Variants in ZBTB7C observed in about 807,000 individuals in gnomAD.
ZBTB7C encodes zinc finger and BTB domain containing 7C, also known as zinc finger and BTB domain-containing protein 7C.
Under a neutral mutation model 25.7 loss-of-function variants are expected in ZBTB7C, and 8 were observed. The observed-to-expected ratio is 0.31, with a 90% CI of 0.18 to 0.56. The LOEUF is 0.56. ZBTB7C is among the 20% of genes least tolerant of loss of function. The pLI is 0.91. For missense variants in ZBTB7C, 824 were observed against 855.2 expected, an observed-to-expected ratio of 0.96 and a Z score of 0.46; for synonymous variants, 394 against 369.0, an observed-to-expected ratio of 1.07 and a Z score of -0.78.
At chr18:48,357,610 G>A (rs2047006300) in intron 1 of ZBTB7C, among the ~76,000 whole-genome samples, 1 of 152,200 alleles carries the variant, frequency 6.6e-6, no homozygotes, top group African/African-American at 2.4e-5. Context: ...CTGCCAAGGT[G>A]AGGAGCTTTG....
At chr18:48,148,171 T>TC (rs1485559920) in intron 3 of ZBTB7C, 2 of 151,220 alleles carry the variant, frequency 1.3e-5, no homozygotes, top group African/African-American at 4.9e-5. Flanking sequence ...TTTTTTTTTT[T>TC]TTTTTTTTGC....
intron 2 of ZBTB7C, among the ~76,000 whole-genome samples, chr18:48,296,017 T>C (rs1314798590): frequency 2.0e-5 from 3 of 152,228 alleles, no homozygotes; most frequent in Admixed American, 6.5e-5. Context: ...CTTCCACTGG[T>C]ACCTCACAGT....
chr18:48,124,784 C>T (rs2039746300), intron 3 of ZBTB7C, among the ~76,000 whole-genome samples: 1 of 152,222 alleles, frequency 6.6e-6, no homozygotes, highest in Non-Finnish European at 1.5e-5. Flanking sequence ...AGCAGGAAAG[C>T]AAGGACAGCT....
intron 1 of ZBTB7C, among the ~76,000 whole-genome samples, chr18:48,394,390 G>A (rs529337793): frequency 1.3e-5 from 2 of 152,274 alleles, no homozygotes; most frequent in East Asian, 1.9e-4. Context: ...CATTCACAGC[G>A]CTCAGCTAAG....
At chr18:48,236,603 G>A (rs531794920) in intron 2 of ZBTB7C, among the ~76,000 whole-genome samples, 43 of 152,172 alleles carry the variant, frequency 2.8e-4, no homozygotes, top group Non-Finnish European at 3.4e-4. Flanking sequence ...GGAGGAGGAG[G>A]ATTTCAACTG....
rs961156719 is a variant in ZBTB7C, at chr18:48,326,698, G to A, written c.-79+11476C>T. Among the ~76,000 whole-genome samples, 3 of 152,180 alleles carry A rather than the reference G, an allele frequency of 2.0e-5. No individual in the cohort carries two copies. In the East Asian group the frequency reaches 5.8e-4, roughly 29 times the overall value. The stretch of plus-strand genomic sequence containing the variant: ...ATAAGAAAGCAAGTTGCAGTACAGA[G>A]TATTCAATAGGCTATGTTTTATAGG... On this transcript the variant is annotated intron_variant, in intron 2 of 4. Transcript: ENST00000590800.
At chr18:48,148,014 G>T (rs2040549824) in intron 3 of ZBTB7C, 1 of 150,754 alleles carries the variant, frequency 6.6e-6, no homozygotes, top group African/African-American at 2.4e-5. Flanking sequence ...GTGGGAGTTG[G>T]GGGACGGAGT....
chr18:48,240,330 C>T (rs994838694), intron 2 of ZBTB7C, among the ~76,000 whole-genome samples: 1 of 152,082 alleles, frequency 6.6e-6, no homozygotes, highest in Non-Finnish European at 1.5e-5. Flanking sequence ...CAGACAAATA[C>T]AAGAAGCTCA....
At chr18:48,132,235 A>G (rs1440871848) in intron 3 of ZBTB7C, among the ~76,000 whole-genome samples, 2 of 152,244 alleles carry the variant, frequency 1.3e-5, no homozygotes, top group African/African-American at 4.8e-5. Context: ...AATATTGTTC[A>G]GCAATAAAGA....
At chr18:48,046,175 T>G (rs1300383063) in intron 3 of ZBTB7C, among the ~76,000 whole-genome samples, 1 of 152,246 alleles carries the variant, frequency 6.6e-6, no homozygotes, top group Admixed American at 6.5e-5. Context: ...ATTTTTGTGT[T>G]GTTATGCAGT....
chr18:48,382,606 G>C (rs2047657915), intron 1 of ZBTB7C, among the ~76,000 whole-genome samples: 1 of 152,138 alleles, frequency 6.6e-6, no homozygotes, highest in African/African-American at 2.4e-5. Flanking sequence ...AGTCAACTCT[G>C]TATTATTCAA....
chr18:48,194,562 CAG>C (rs1333447223), intron 2 of ZBTB7C, among the ~76,000 whole-genome samples: 3 of 152,004 alleles, frequency 2.0e-5, no homozygotes, highest in Admixed American at 2.0e-4. Flanking sequence ...GCAGAGTAAA[CAG>C]AGGCTTGCAG....
chr18:48,216,642 CT>C (rs1171155553), intron 2 of ZBTB7C, among the ~76,000 whole-genome samples: 1 of 152,134 alleles, frequency 6.6e-6, no homozygotes, highest in East Asian at 1.9e-4. Flanking sequence ...CTTCCTCCCC[CT>C]GACAACTTCT....
chr18:48,352,371 G>C (rs1395890720), intron 1 of ZBTB7C, among the ~76,000 whole-genome samples: 1 of 152,220 alleles, frequency 6.6e-6, no homozygotes, highest in East Asian at 1.9e-4. Context: ...CACTGGGCCA[G>C]GCCCTGGGGG....
chr18:48,223,507 C>T (rs993500538), intron 2 of ZBTB7C, among the ~76,000 whole-genome samples: 2 of 152,144 alleles, frequency 1.3e-5, no homozygotes, highest in African/African-American at 4.8e-5. Flanking sequence ...TTATGGGATC[C>T]AGAATATTTC....
At chr18:48,268,287 T>G (rs1004650822) in intron 2 of ZBTB7C, among the ~76,000 whole-genome samples, 1 of 152,216 alleles carries the variant, frequency 6.6e-6, no homozygotes, top group African/African-American at 2.4e-5. Flanking sequence ...AAATTTTGCA[T>G]GAGACACTTG....
intron 3 of ZBTB7C, among the ~76,000 whole-genome samples, chr18:48,097,518 T>G (rs2038682240): frequency 6.6e-6 from 1 of 152,096 alleles, no homozygotes; most frequent in African/African-American, 2.4e-5. Context: ...TGCTCCAGCC[T>G]CCTGAGTAGC....
chr18:48,128,218 T>C (rs2039870040), intron 3 of ZBTB7C, among the ~76,000 whole-genome samples: 1 of 152,212 alleles, frequency 6.6e-6, no homozygotes, highest in Non-Finnish European at 1.5e-5. Context: ...GCCCTCACTC[T>C]GGCCCTTCAT....
intron 2 of ZBTB7C, among the ~76,000 whole-genome samples, chr18:48,232,907 C>A (rs2043290140): frequency 6.6e-6 from 1 of 152,132 alleles, no homozygotes; most frequent in African/African-American, 2.4e-5. Flanking sequence ...ACACCAACCC[C>A]CTGGTTGAGT....
Sources: allele counts gnomAD v4.1 joint callset (sites outside exome capture counted in the v4.1 genomes callset), GRCh38; gene constraint gnomAD v4.1.1; transcripts MANE v1.5; gene names NCBI Gene and HGNC (gene_info 2026-07-23, HGNC 2026-07-21).